Variants in SCOC observed in about 807,000 individuals in gnomAD.
The protein encoded by SCOC is short coiled-coil protein, also known as short coiled coil protein.
SCOC carries 7 observed loss-of-function variants against 9.9 expected under a neutral mutation model. The ratio of observed to expected loss-of-function variants is 0.71; its 90% CI spans 0.40 to 1.33. The LOEUF is 1.33. Among genes scored for constraint, SCOC ranks in the 40% most tolerant of loss-of-function variants. SCOC has a pLI of 0.01. For missense variants in SCOC, 66 were observed against 89.7 expected (o/e 0.74, Z 1.07); for synonymous variants, 19 against 28.2 (o/e 0.67, Z 1.03).
chr4:140,276,026 C>T (rs762230458), intron 1 of SCOC, among the ~76,000 whole-genome samples: 1 of 151,490 alleles, frequency 6.6e-6, no homozygotes, highest in Non-Finnish European at 1.5e-5. Flanking sequence ...GTTGTTGAGA[C>T]GGAGTCTCAC....
chr4:140,356,271 T>C (rs1483739582), intron 2 of SCOC, among the ~76,000 whole-genome samples: 1 of 152,204 alleles, frequency 6.6e-6, no homozygotes, highest in Non-Finnish European at 1.5e-5. Flanking sequence ...CCTAAGTTAT[T>C]TGAAAGTTGC....
chr4:140,318,381 A>G (rs1732393976), intron 1 of SCOC, among the ~76,000 whole-genome samples: 1 of 115,012 alleles, frequency 8.7e-6, no homozygotes, highest in Non-Finnish European at 1.7e-5. Context: ...ACAAATTTAC[A>G]AGAAAAAAAC....
intron 1 of SCOC, among the ~76,000 whole-genome samples, chr4:140,282,782 C>T (rs1045486171): frequency 1.3e-5 from 2 of 152,222 alleles, no homozygotes; most frequent in South Asian, 2.1e-4. Flanking sequence ...AGGTACCTCC[C>T]TGCTCTTGAA....
upstream of SCOC, among the ~76,000 whole-genome samples, chr4:140,369,806 A>G (rs949111549): frequency 2.0e-5 from 3 of 148,040 alleles, no homozygotes; most frequent in Admixed American, 2.0e-4. Context: ...TTTCTATGCA[A>G]TCTCAGTGGT....
chr4:140,329,027 T>A (rs1732731817), intron 1 of SCOC, among the ~76,000 whole-genome samples: 1 of 152,168 alleles, frequency 6.6e-6, no homozygotes, highest in Non-Finnish European at 1.5e-5. Flanking sequence ...TCTGAAGGCA[T>A]CACATTACCC....
At chr4:140,327,862 AAG>A (rs1366037222) in intron 1 of SCOC, among the ~76,000 whole-genome samples, 1 of 152,198 alleles carries the variant, frequency 6.6e-6, no homozygotes, top group African/African-American at 2.4e-5. Flanking sequence ...GTATCAGGGA[AAG>A]AAGCTGTTTG....
intron 1 of SCOC, among the ~76,000 whole-genome samples, chr4:140,324,351 C>A (rs1229056587): frequency 6.6e-6 from 1 of 152,056 alleles, no homozygotes; most frequent in Non-Finnish European, 1.5e-5. Context: ...GAAGTCATAG[C>A]CAGTGAAATA....
chr4:140,379,344 C>T, intron 2 of SCOC, 152 bp downstream of exon 2: 1 of 712,232 alleles, frequency 1.4e-6, no homozygotes, highest in African/African-American at 1.8e-5. Context: ...AAAGGACCAA[C>T]CAAAGCAGCT....
At chr4:140,300,246 A>G (rs1249079382) in intron 1 of SCOC, among the ~76,000 whole-genome samples, 2 of 152,226 alleles carry the variant, frequency 1.3e-5, no homozygotes, top group African/African-American at 2.4e-5. Context: ...TTCATATCAT[A>G]AAGAGTGTCA....
intron 2 of SCOC, among the ~76,000 whole-genome samples, chr4:140,355,211 T>TTATATATATATATATA (rs34322076): frequency 3.9e-4 from 24 of 61,368 alleles, no homozygotes; most frequent in Admixed American, 2.1e-3. Flanking sequence ...CATTATATTT[T>TTATATATATATATATA]TATATATATA....
chr4:140,360,585 C>T (rs1184638952), intron 2 of SCOC: 1 of 152,196 alleles, frequency 6.6e-6, no homozygotes, highest in Non-Finnish European at 1.5e-5. Context: ...GTAATATAAG[C>T]TCTGAGGCGA....
At chr4:140,267,787 C>G (rs75557645) in intron 1 of SCOC, among the ~76,000 whole-genome samples, 4,708 of 152,192 alleles carry the variant, frequency 0.031, 141 homozygotes, top group African/African-American at 0.083. Flanking sequence ...GATTCCTCAC[C>G]CCACCCTGGC....
At chr4:140,276,095 T>C (rs1019463856) in intron 1 of SCOC, among the ~76,000 whole-genome samples, 1 of 151,898 alleles carries the variant, frequency 6.6e-6, no homozygotes, top group South Asian at 2.1e-4. Context: ...CTCCGCCTCC[T>C]GGGTTCACGC....
intron 1 of SCOC, among the ~76,000 whole-genome samples, chr4:140,313,279 C>T (rs1035271865): frequency 1.3e-5 from 2 of 152,100 alleles, no homozygotes; most frequent in African/African-American, 4.8e-5. Flanking sequence ...GAGTTTTGTT[C>T]TTGTTGCCCA....
chr4:140,329,131 C>G (rs571128188), intron 1 of SCOC, among the ~76,000 whole-genome samples: 1 of 152,038 alleles, frequency 6.6e-6, no homozygotes, highest in Admixed American at 6.6e-5. Flanking sequence ...AATAGAGAAC[C>G]CAGAAATAAA....
intron 1 of SCOC, among the ~76,000 whole-genome samples, chr4:140,273,451 T>C (rs1730896457): frequency 6.6e-6 from 1 of 152,166 alleles, no homozygotes; most frequent in South Asian, 2.1e-4. Flanking sequence ...TTTTTCTTTC[T>C]GATCATTTCT....
chr4:140,340,666 A>G (rs1726478424), upstream of SCOC, among the ~76,000 whole-genome samples: 1 of 152,020 alleles, frequency 6.6e-6, no homozygotes, highest in Non-Finnish European at 1.5e-5. Context: ...AAAAGGGAAA[A>G]TATTCACCAT....
chr4:140,276,359 A>C (rs1730982285), intron 1 of SCOC, among the ~76,000 whole-genome samples: 1 of 151,812 alleles, frequency 6.6e-6, no homozygotes, highest in Admixed American at 6.6e-5. Context: ...GGCTGGTCTG[A>C]AACTCCTGAC....
chr4:140,319,026 T>G (rs1028587754), intron 1 of SCOC, among the ~76,000 whole-genome samples: 7 of 152,286 alleles, frequency 4.6e-5, no homozygotes, highest in African/African-American at 1.4e-4. Flanking sequence ...AGGCTCCCAT[T>G]TTTTTCTTCT....
Sources: gnomAD v4.1 joint callset for allele counts (sites outside exome capture counted in the v4.1 genomes callset) on GRCh38, gnomAD v4.1.1 for gene constraint, MANE v1.5 for transcripts, NCBI Gene and HGNC (gene_info 2026-07-23, HGNC 2026-07-21) for gene names.